EFNB2: variants seen among roughly 807,000 people sequenced by gnomAD.
The protein encoded by EFNB2 is ephrin B2, also known as ephrin-B2.
A neutral mutation model predicts 32.1 loss-of-function variants in EFNB2; 5 were observed. That is an observed-to-expected ratio of 0.16 (90% CI 0.08 to 0.33). The LOEUF (loss-of-function observed/expected upper bound fraction) is 0.33. Among genes scored for constraint, EFNB2 ranks in the 10% least tolerant of loss-of-function variants. The pLI is 1.00. For synonymous variants in EFNB2, 168 were observed against 166.5 expected (o/e 1.01, Z -0.07); for missense variants, 263 against 422.6 (o/e 0.62, Z 3.31).
chr13:106,507,501 A>G (rs960598540), intron 2 of EFNB2, among the ~76,000 whole-genome samples: 1 of 152,136 alleles, frequency 6.6e-6, no homozygotes, highest in Non-Finnish European at 1.5e-5. Flanking sequence ...CTTTAAGAAT[A>G]TTGTTTCATT....
intron 2 of EFNB2, among the ~76,000 whole-genome samples, chr13:106,503,788 A>G (rs574860415): frequency 3.9e-5 from 6 of 152,294 alleles, no homozygotes; most frequent in Admixed American, 1.3e-4. Flanking sequence ...CATTCTTGAT[A>G]TGCTTAATAT....
In EFNB2 at chr13:106,512,531, A is replaced by G. The variant is rs748532324; in HGVS notation, c.404T>C (p.Ile135Thr). The change falls in exon 2 of 5, where the codon ATA (isoleucine) becomes ACA (threonine). Residue 135 changes from isoleucine to threonine, a missense_variant and splice_region_variant. By Grantham distance (89) the Ile-to-Thr change is moderately conservative. Coordinates refer to ENST00000646441, the MANE Select transcript of EFNB2 (RefSeq NM_004093.4). ...EFQKNKDYYI[I>T]STSNGSLEGL... Reference sequence around the variant, plus strand: ...TAAATGAATAAAATTATACTTACATATAATGTAATAATCTTTGTTCTTCTG... The same window carrying G: ...TAAATGAATAAAATTATACTTACATGTAATGTAATAATCTTTGTTCTTCTG... The G allele has an allele frequency of 4.5e-6, 7 of 1,570,960 alleles. No homozygotes were observed. The highest frequency in any genetic ancestry group is 1.7e-5 in the Admixed American group (1 of 58,484).
chr13:106,501,525 C>G (rs1330130684), intron 2 of EFNB2, among the ~76,000 whole-genome samples: 2 of 151,762 alleles, frequency 1.3e-5, no homozygotes, highest in African/African-American at 4.8e-5. Context: ...TATCTTAGAG[C>G]AAGTTTTATG....
chr13:106,534,234 A>T (rs1220477949), intron 1 of EFNB2, among the ~76,000 whole-genome samples: 1 of 152,124 alleles, frequency 6.6e-6, no homozygotes, highest in Non-Finnish European at 1.5e-5. Context: ...CGCGGAGGAA[A>T]GGGCTCGACG....
chr13:106,531,029 C>T (rs1879853237), intron 1 of EFNB2, among the ~76,000 whole-genome samples: 1 of 152,224 alleles, frequency 6.6e-6, no homozygotes, highest in Non-Finnish European at 1.5e-5. Context: ...CACCTGTCCA[C>T]ACACTTTAGC....
At chr13:106,508,227 C>T (rs1031135157) in intron 2 of EFNB2, among the ~76,000 whole-genome samples, 2 of 152,052 alleles carry the variant, frequency 1.3e-5, no homozygotes, top group Admixed American at 6.5e-5. Context: ...GAAAACTCTA[C>T]GGATAAAGGC....
chr13:106,509,935 C>T (rs1879084831), intron 2 of EFNB2: 1 of 152,218 alleles, frequency 6.6e-6, no homozygotes, highest in East Asian at 1.9e-4. Flanking sequence ...TCTTTCAACT[C>T]TGCTGAAAGT....
chr13:106,526,655 G>A (rs1172859485), intron 1 of EFNB2, among the ~76,000 whole-genome samples: 1 of 152,068 alleles, frequency 6.6e-6, no homozygotes, highest in Non-Finnish European at 1.5e-5. Flanking sequence ...TATAGTTCTG[G>A]TAGATAAGTA....
intron 2 of EFNB2, among the ~76,000 whole-genome samples, chr13:106,508,535 T>C (rs1032466750): frequency 6.6e-6 from 1 of 152,180 alleles, no homozygotes; most frequent in Non-Finnish European, 1.5e-5. Flanking sequence ...CAGGGCTAAT[T>C]ACTGAAATAG....
chr13:106,531,102 C>T (rs966298240), intron 1 of EFNB2, among the ~76,000 whole-genome samples: 2 of 152,174 alleles, frequency 1.3e-5, no homozygotes, highest in African/African-American at 4.8e-5. Flanking sequence ...GCAGAACCAG[C>T]GTCAACAGCT....
chr13:106,523,464 A>C (rs866118280), intron 1 of EFNB2, among the ~76,000 whole-genome samples: 9 of 152,222 alleles, frequency 5.9e-5, no homozygotes, highest in Non-Finnish European at 1.2e-4. Context: ...AACTGCATGA[A>C]AGTAATTGGA....
chr13:106,522,072 A>G (rs1315816811), intron 1 of EFNB2, among the ~76,000 whole-genome samples: 1 of 152,030 alleles, frequency 6.6e-6, no homozygotes, highest in Non-Finnish European at 1.5e-5. Flanking sequence ...AAAACCACAC[A>G]CGCACCCCAA....
chr13:106,531,815 T>A (rs1339057782), intron 1 of EFNB2, among the ~76,000 whole-genome samples: 1 of 152,206 alleles, frequency 6.6e-6, no homozygotes, highest in African/African-American at 2.4e-5. Context: ...AACTAGTATG[T>A]GATGCACAGG....
chr13:106,500,931 G>A (rs1878757696), intron 2 of EFNB2, among the ~76,000 whole-genome samples: 2 of 152,240 alleles, frequency 1.3e-5, no homozygotes, highest in South Asian at 4.1e-4. Flanking sequence ...AAACCAAACT[G>A]TATTACTGTT....
intron 1 of EFNB2, chr13:106,516,468 T>C (rs1879315303): frequency 6.6e-6 from 1 of 152,290 alleles, no homozygotes; most frequent in Admixed American, 6.5e-5. Flanking sequence ...GCATGACGCA[T>C]GGACCTAACA....
chr13:106,511,391 G>A lies in EFNB2; in HGVS notation c.406+1138C>T, dbSNP rs191102423. Among the ~76,000 whole-genome samples, 7 of 152,272 alleles carry A rather than the reference G, an allele frequency of 4.6e-5. No individual in the cohort carries two copies. The East Asian group carries it at 1.2e-3, about 25-fold the overall frequency. On this transcript the variant is annotated intron_variant, in intron 2 of 4. Coordinates refer to ENST00000646441, the MANE Select transcript of EFNB2 (RefSeq NM_004093.4). ...GAGCTACTTGGAGGCTGAGGTGGGAGGATCACTTGAGCCCTGGAGTTCAAG... is the reference window on the plus strand; with the variant it reads ...GAGCTACTTGGAGGCTGAGGTGGGAAGATCACTTGAGCCCTGGAGTTCAAG...
intron 2 of EFNB2, 34 bp from the exon 3 acceptor site, chr13:106,495,874 T>TAAAG: frequency 6.3e-7 from 1 of 1,582,572 alleles, no homozygotes; most frequent in Non-Finnish European, 8.6e-7. Context: ...AACAAAAAAA[T>TAAAG]AAAGAAAAAT....
chr13:106,513,082 C>T (rs1879195672), intron 1 of EFNB2, among the ~76,000 whole-genome samples: 1 of 152,188 alleles, frequency 6.6e-6, no homozygotes, highest in Admixed American at 6.5e-5. Flanking sequence ...TTACCACCCC[C>T]TCGCTTGTAA....
intron 1 of EFNB2, among the ~76,000 whole-genome samples, chr13:106,527,693 T>C (rs560265984): frequency 1.2e-4 from 18 of 152,370 alleles, no homozygotes; most frequent in African/African-American, 4.1e-4. Context: ...GCATTCAATG[T>C]GCATGGAAAG....
Sources: gnomAD v4.1 joint callset for allele counts (sites outside exome capture counted in the v4.1 genomes callset) on GRCh38, gnomAD v4.1.1 for gene constraint, MANE v1.5 for transcripts, NCBI Gene and HGNC (gene_info 2026-07-23, HGNC 2026-07-21) for gene names.